ASS1: variants seen among roughly 807,000 people sequenced by gnomAD.
ASS1 encodes argininosuccinate synthase 1, also known as argininosuccinate synthase.
In ASS1, 58 loss-of-function variants were observed where a neutral mutation model predicts 60.5. The ratio of observed to expected loss-of-function variants is 0.96; its 90% confidence interval spans 0.78 to 1.19. ASS1 has a LOEUF of 1.19. ASS1 is among the 50% of genes most tolerant of loss of function. The pLI is 0.00. For synonymous variants in ASS1, 200 were observed against 206.9 expected (o/e 0.97, Z 0.29); for missense variants, 454 against 547.3 (o/e 0.83, Z 1.70).
rs192036592 is a variant in ASS1, at chr9:130,474,305, G to A, written c.598-2566G>A. On this transcript the variant is annotated intron_variant, in intron 8 of 14. Coordinates refer to ENST00000352480, the MANE Select transcript of ASS1 (RefSeq NM_054012.4). ...TGCCCGACAGCTGCCTCTGACTTCC[G>A]CTGCGGTCTGCAGAAACTCGTCCTC... Among the ~76,000 whole-genome samples, 54 of 152,204 alleles carry A rather than the reference G, an allele frequency of 3.5e-4. No homozygotes were observed. In the South Asian group the frequency reaches 0.01, roughly 29 times the overall value.
intron 2 of ASS1, 63 bp from the exon 3 acceptor site, chr9:130,454,242 G>A (rs548731643): frequency 2.4e-5 from 36 of 1,530,378 alleles, no homozygotes; most frequent in South Asian, 1.2e-4. Flanking sequence ...TGCTGCATGC[G>A]GATGGTGTGA....
chr9:130,479,939 A>T, intron 10 of ASS1, 139 bp downstream of exon 10: 3 of 1,031,308 alleles, frequency 2.9e-6, no homozygotes, highest in Non-Finnish European at 4.6e-6. Context: ...ATAGCCACAG[A>T]GTTTCCCGGA....
chr9:130,475,063 C>T (rs1845981173), intron 8 of ASS1, among the ~76,000 whole-genome samples: 1 of 152,226 alleles, frequency 6.6e-6, no homozygotes, highest in African/African-American at 2.4e-5. Context: ...GATCAATTGT[C>T]CTGGTTTGCC....
In ASS1 at chr9:130,499,587, C is replaced by T. The variant is rs1359439769; in HGVS notation, c.1193+17C>T. 2.5e-6 allele frequency: 4 copies of T among 1,609,808 alleles called. No homozygotes were observed. The highest frequency in any genetic ancestry group is 1.1e-5 in the South Asian group (1 of 90,230). ...TTCCCTCAGGTGAGAAGCTCAGGGCCCTGACGGGCCTTCAGAGCCTCCAGG... is the reference window on the plus strand; with the variant it reads ...TTCCCTCAGGTGAGAAGCTCAGGGCTCTGACGGGCCTTCAGAGCCTCCAGG... On this transcript the variant is annotated intron_variant, in intron 14 of 14. Transcript: ENST00000352480.
intron 2 of ASS1, among the ~76,000 whole-genome samples, chr9:130,453,263 C>T (rs760963188): frequency 8.5e-5 from 13 of 152,218 alleles, no homozygotes; most frequent in African/African-American, 1.9e-4. Context: ...CTTCAGTGGG[C>T]GGGATTTCTT....
Position 130,458,591 on chromosome 9 carries a change from TG to T in ASS1, c.363+3del. On this transcript the variant is annotated splice_donor_region_variant and intron_variant, in intron 4 of 14. Coordinates refer to ENST00000352480, the MANE Select transcript of ASS1 (RefSeq NM_054012.4). ...GTGTCCCACGGCGCCACAGGAAAGGTGAGGCACCTGGGAAGGGCCGGGCAGA... is the reference window on the plus strand; with the variant it reads ...GTGTCCCACGGCGCCACAGGAAAGGTAGGCACCTGGGAAGGGCCGGGCAGA... 1.2e-6 allele frequency: 2 copies of T among 1,611,974 alleles called. No individual in the cohort carries two copies. The highest frequency in any genetic ancestry group is 1.7e-6 in the Non-Finnish European group (2 of 1,179,636).
intron 1 of ASS1, among the ~76,000 whole-genome samples, chr9:130,448,388 A>G (rs1845242619): frequency 6.7e-6 from 1 of 150,366 alleles, no homozygotes; most frequent in Non-Finnish European, 1.5e-5. Context: ...ACTCTCAGGT[A>G]CGCACCCCTG....
intron 3 of ASS1, among the ~76,000 whole-genome samples, chr9:130,455,176 TCATCCATTCATC>T (rs1416912184): frequency 6.6e-6 from 1 of 150,558 alleles, no homozygotes; most frequent in Non-Finnish European, 1.5e-5. Context: ...CTTCCATGCA[TCATCCATTCATC>T]CATCCATCAT....
chr9:130,494,747 A>T lies in ASS1; in HGVS notation c.971-120A>T. On this transcript the variant is annotated intron_variant, in intron 12 of 14. Transcript: ENST00000352480. This position sits in a 1 kb window ranked among gnomAD's most constrained non-coding sequence, Gnocchi z 4.3. ...GCGCACATTGTGCCAGTCTCGCGGG[A>T]GGCAGTCATGGTCTGCATGGCGGGG... 2.3e-6 allele frequency: 3 copies of T among 1,310,854 alleles called. No individual in the cohort carries two copies. Among genetic ancestry groups the T allele is most frequent in the Admixed American group, 1.8e-5 (1 of 55,918 alleles). The allele number at this position is 1,310,854 out of a possible 1,614,324, so 81.2% of individuals were successfully genotyped here.
chr9:130,450,604 C>T (rs925063578), intron 1 of ASS1, among the ~76,000 whole-genome samples: 13 of 152,214 alleles, frequency 8.5e-5, no homozygotes, highest in African/African-American at 1.9e-4. Context: ...CTGTGAGCCC[C>T]GGCTGACTGG....
At chr9:130,452,877 C>T (rs1588471575) in intron 2 of ASS1, among the ~76,000 whole-genome samples, 1 of 152,236 alleles carries the variant, frequency 6.6e-6, no homozygotes, top group African/African-American at 2.4e-5. Flanking sequence ...TTCGACTGAA[C>T]CTGGCCACAG....
At chr9:130,462,183 A>G (rs1257178303) in intron 4 of ASS1, among the ~76,000 whole-genome samples, 1 of 152,024 alleles carries the variant, frequency 6.6e-6, no homozygotes, top group Non-Finnish European at 1.5e-5. Context: ...GCCTGGAAAT[A>G]TGATTCTGAG....
At chr9:130,497,189 C>T (rs1035497727) in intron 13 of ASS1, among the ~76,000 whole-genome samples, 1 of 152,102 alleles carries the variant, frequency 6.6e-6, no homozygotes. Flanking sequence ...TACAGTCTCA[C>T]TCAGGGAGAT....
intron 9 of ASS1, 24 bp from the exon 10 acceptor site, chr9:130,479,692 C>T (rs765696522): frequency 2.5e-6 from 4 of 1,586,598 alleles, no homozygotes; most frequent in South Asian, 1.1e-5. Context: ...CCCAGAGGCC[C>T]ACTGCCCTCT....
chr9:130,481,746 G>A (rs960800606), intron 11 of ASS1, among the ~76,000 whole-genome samples: 4 of 152,180 alleles, frequency 2.6e-5, no homozygotes, highest in Admixed American at 6.5e-5. Flanking sequence ...GGGCGGGGAC[G>A]GGCTTGCCTC....
At chr9:130,493,264 T>C (rs572234438) in intron 12 of ASS1, among the ~76,000 whole-genome samples, 15 of 152,230 alleles carry the variant, frequency 9.9e-5, no homozygotes, top group Non-Finnish European at 1.9e-4. Context: ...CCTCTCTCCC[T>C]GTGTACAGTG....
Position 130,495,023 on chromosome 9 carries a change from G to A in ASS1, c.1127G>A (p.Ser376Asn). The change falls in exon 13 of 15, where the codon AGC (serine) becomes AAC (asparagine). Residue 376 changes from serine (S) to asparagine (N), a missense_variant and splice_region_variant. By Grantham distance (46) the Ser-to-Asn change is conservative. Transcript: ENST00000352480. ...PLSLYNEELV[S>N]MNVQGDYEPT... Reference sequence around the variant, plus strand: ...TCTCTCTACAATGAGGAGCTGGTGAGGTAGGTGCCCCACACCTCATTCTGA... The same window carrying A: ...TCTCTCTACAATGAGGAGCTGGTGAAGTAGGTGCCCCACACCTCATTCTGA... 1 of 1,609,942 alleles carries A rather than the reference G, an allele frequency of 6.2e-7. No homozygotes were observed. Among genetic ancestry groups the A allele is most frequent in the Non-Finnish European group, 8.5e-7 (1 of 1,178,606 alleles).
chr9:130,446,205 C>T (rs1274842570), intron 1 of ASS1, among the ~76,000 whole-genome samples: 1 of 152,072 alleles, frequency 6.6e-6, no homozygotes, highest in Non-Finnish European at 1.5e-5. Flanking sequence ...GCTCAGGAAA[C>T]ATTTGCAGAT....
At chr9:130,484,986 G>A (rs1222369243) in intron 11 of ASS1, among the ~76,000 whole-genome samples, 2 of 152,286 alleles carry the variant, frequency 1.3e-5, no homozygotes, top group East Asian at 3.9e-4. Flanking sequence ...AGGCTGCCTG[G>A]GAGGGTGGCA....
Sources: gnomAD v4.1 joint callset for allele counts (sites outside exome capture counted in the v4.1 genomes callset) on GRCh38, gnomAD v4.1.1 for gene constraint, Gnocchi (gnomAD v3.1) non-coding constraint, MANE v1.5 for transcripts, NCBI Gene and HGNC (gene_info 2026-07-23, HGNC 2026-07-21) for gene names.